The following PCNA variants were observed in gnomAD, a reference collection of about 807,000 sequenced individuals.
PCNA encodes proliferating cell nuclear antigen.
A neutral mutation model predicts 27.8 loss-of-function variants in PCNA; 4 were observed. The observed-to-expected ratio is 0.14, with a 90% confidence interval of 0.07 to 0.33. PCNA has a LOEUF of 0.33. Ranked by LOEUF, PCNA falls within the 10% of genes least tolerant of loss-of-function variation. The probability of loss-of-function intolerance (pLI) is 1.00; values close to 1 mark genes in which losing one functional copy is unlikely to be tolerated. For synonymous variants in PCNA, 121 were observed against 119.4 expected, an observed-to-expected ratio of 1.01 and a Z score of -0.09; for missense variants, 165 against 327.4, an observed-to-expected ratio of 0.50 and a Z score of 3.83.
chr20:5,115,779 T>C (rs556986106), intron 4 of PCNA, among the ~76,000 whole-genome samples: 4 of 152,336 alleles, frequency 2.6e-5, no homozygotes, highest in South Asian at 4.1e-4. Flanking sequence ...AATTATATAA[T>C]ATGGGAAAGC....
At chr20:5,121,313 T>G (rs1479495306), upstream of PCNA, 3 of 152,058 alleles carry the variant, frequency 2.0e-5, no homozygotes, top group African/African-American at 7.2e-5. Flanking sequence ...AAGTCTGACA[T>G]ATTCTCAATC....
At chr20:5,117,847 C>T (rs2122900585) in intron 3 of PCNA, among the ~76,000 whole-genome samples, 183 bp from the exon 4 acceptor site, 1 of 152,298 alleles carries the variant, frequency 6.6e-6, no homozygotes, top group East Asian at 1.9e-4. Context: ...TTAAATGCAC[C>T]ATCCAGGGAA....
At chr20:5,124,317 A>C (rs765168413), upstream of PCNA, among the ~76,000 whole-genome samples, 3 of 152,172 alleles carry the variant, frequency 2.0e-5, no homozygotes, top group Non-Finnish European at 4.4e-5. Context: ...AATCAGGGGC[A>C]TTTACCAAGA....
rs747424277 is a variant in PCNA, at chr20:5,117,584, A to G, written c.468T>C (p.Asp156=). 1.4e-5 allele frequency: 23 copies of G among 1,613,770 alleles called. No individual in the cohort carries two copies. Among genetic ancestry groups the G allele is most frequent in the Non-Finnish European group, 1.4e-5 (17 of 1,179,782 alleles). ...RICRDLSHIG[D]AVVISCAKDG... Reference sequence around the variant, plus strand: ...CTTTTGCACAGGAAATTACAACAGCATCTCCAATATGGCTGAGATCTCGGC... The same window carrying G: ...CTTTTGCACAGGAAATTACAACAGCGTCTCCAATATGGCTGAGATCTCGGC... Residue 156 remains aspartate (D), a synonymous_variant, in exon 4 of 6, where the codon GAT becomes GAC. Coordinates refer to ENST00000379143, the MANE Select transcript of PCNA (RefSeq NM_182649.2).
upstream of PCNA, among the ~76,000 whole-genome samples, chr20:5,122,667 A>C (rs372233897): frequency 2.0e-5 from 3 of 152,218 alleles, no homozygotes; most frequent in Admixed American, 6.5e-5. Flanking sequence ...TTAAAATCTC[A>C]GTTCCTTTGC....
rs986434975 is a variant in PCNA at position 5,119,931 on chromosome 20, C to T, written c.-133G>A. On this transcript the variant is annotated 5_prime_UTR_variant, in exon 1 of 6. Coordinates refer to ENST00000379143, the MANE Select transcript of PCNA (RefSeq NM_182649.2). Reference sequence around the variant, plus strand: ...GGCTGAGACCTAGAAAGACAACGACCACTCTGCTACGCCTGCAACCGTTTA... The same window carrying T: ...GGCTGAGACCTAGAAAGACAACGACTACTCTGCTACGCCTGCAACCGTTTA... The T allele has an allele frequency of 2.8e-5, 19 of 687,480 alleles. No homozygotes were observed. Among genetic ancestry groups the T allele is most frequent in the African/African-American group, 2.0e-4 (11 of 56,168 alleles). The allele number at this position is 687,480 out of a possible 1,614,324, so 42.6% of individuals were successfully genotyped here. A position where few individuals can be genotyped will look rare whatever the true frequency, so the allele number is the denominator to read the frequency against.
Position 5,118,770 on chromosome 20 carries a change from T to C in PCNA, c.318A>G (p.Pro106=), listed in dbSNP as rs751868988. The C allele has an allele frequency of 6.2e-7, 1 of 1,613,378 alleles. No individual in the cohort carries two copies. Among genetic ancestry groups the C allele is most frequent in the Non-Finnish European group, 8.5e-7 (1 of 1,179,356 alleles). ...ADTLALVFEA[P]NQEKVSDYEM... is the part of the protein sequence containing the mutation. ...ACTCGGTAAAAAGGTACGACTTACT[T>C]GGTGCTTCAAATACTAGCGCCAAGG... is the stretch of plus-strand genomic sequence containing the variant. Residue 106 remains proline, a splice_region_variant and synonymous_variant, in exon 2 of 6, where the codon CCA becomes CCG. Coordinates refer to ENST00000379143, the MANE Select transcript of PCNA (RefSeq NM_182649.2).
At chr20:5,126,559 G>C (rs753069110) in exon 1 of PCNA, 1 of 152,374 alleles carries the variant, frequency 6.6e-6, no homozygotes, top group African/African-American at 2.4e-5. Context: ...AGAGCCTCCG[G>C]GTGGCGCTTC....
chr20:5,115,411 G>A, intron 5 of PCNA, 38 bp downstream of exon 5: 1 of 1,613,544 alleles, frequency 6.2e-7, no homozygotes, highest in Non-Finnish European at 8.5e-7. Context: ...TATCACATAT[G>A]ACTACCTACA....
upstream of PCNA, among the ~76,000 whole-genome samples, chr20:5,120,784 G>C (rs1047089570): frequency 6.6e-6 from 1 of 151,972 alleles, no homozygotes; most frequent in East Asian, 1.9e-4. Flanking sequence ...GTCAAAGAGC[G>C]TACACATTTA....
At chr20:5,124,197 A>G (rs989418605), upstream of PCNA, among the ~76,000 whole-genome samples, 3 of 152,232 alleles carry the variant, frequency 2.0e-5, no homozygotes, top group African/African-American at 7.2e-5. Context: ...GGGAGTATAC[A>G]TTGGTATAAT....
intron 4 of PCNA, 119 bp from the exon 5 acceptor site, chr20:5,115,691 A>G: frequency 1.3e-6 from 1 of 758,034 alleles, no homozygotes; most frequent in Admixed American, 3.1e-5. Flanking sequence ...GAGCTATGAA[A>G]ATTTTGAAGA....
chr20:5,123,651 C>T (rs374141858), upstream of PCNA, among the ~76,000 whole-genome samples: 148 of 150,450 alleles, frequency 9.8e-4, no homozygotes, highest in African/African-American at 3.3e-3. Context: ...ACCAAGATTG[C>T]GCCACTGTAC....
intron 3 of PCNA, among the ~76,000 whole-genome samples, chr20:5,118,240 T>C (rs933980841): frequency 4.6e-5 from 7 of 152,224 alleles, no homozygotes; most frequent in African/African-American, 1.4e-4. Flanking sequence ...CACCAGTAGA[T>C]ATATTTCTAG....
chr20:5,124,638 A>C (rs539562017), upstream of PCNA, among the ~76,000 whole-genome samples: 4 of 152,192 alleles, frequency 2.6e-5, no homozygotes, highest in South Asian at 8.3e-4. Context: ...AAAAAAAAAA[A>C]ACAAAAAACA....
intron 3 of PCNA, among the ~76,000 whole-genome samples, chr20:5,118,046 C>A (rs2090488026): frequency 6.6e-6 from 1 of 152,192 alleles, no homozygotes; most frequent in South Asian, 2.1e-4. Flanking sequence ...GGATAAATTT[C>A]TTCCAAGTCA....
chr20:5,116,988 T>C (rs2122897820), intron 4 of PCNA, among the ~76,000 whole-genome samples: 2 of 152,288 alleles, frequency 1.3e-5, no homozygotes. Context: ...TTGGCTAAAT[T>C]GTCACTTAAG....
At chr20:5,125,921 T>C (rs912650323) in intron 1 of PCNA, among the ~76,000 whole-genome samples, 2 of 151,906 alleles carry the variant, frequency 1.3e-5, no homozygotes, top group African/African-American at 4.8e-5. Context: ...CTTTCCATAG[T>C]CCAGAAGACA....
chr20:5,120,198 G>A (rs1166446465), upstream of PCNA, among the ~76,000 whole-genome samples: 2 of 152,248 alleles, frequency 1.3e-5, no homozygotes, highest in African/African-American at 4.8e-5. Context: ...CATATGTGGA[G>A]ATCGGGTCCC....
Sources: gnomAD v4.1 joint callset for allele counts (sites outside exome capture counted in the v4.1 genomes callset) on GRCh38, gnomAD v4.1.1 for gene constraint, MANE v1.5 for transcripts, NCBI Gene and HGNC (gene_info 2026-07-23, HGNC 2026-07-21) for gene names.